Variants in MCM7 observed in about 807,000 individuals in gnomAD.
The protein encoded by MCM7 is minichromosome maintenance complex component 7, also known as DNA replication licensing factor MCM7.
In MCM7, 95 loss-of-function variants were observed where a neutral mutation model predicts 83.5. The ratio of observed to expected loss-of-function variants is 1.14; its 90% CI spans 0.96 to 1.35. The LOEUF (loss-of-function observed/expected upper bound fraction) is 1.35. Among genes scored for constraint, MCM7 ranks in the 40% most tolerant of loss-of-function variants. MCM7 has a pLI of 0.00. For missense variants in MCM7, 1,087 were observed against 957.4 expected, an observed-to-expected ratio of 1.14 and a Z score of -1.79; for synonymous variants, 461 against 352.7, an observed-to-expected ratio of 1.31 and a Z score of -3.44.
intron 5 of MCM7, 131 bp downstream of exon 5, chr7:100,098,892 A>T: frequency 7.2e-7 from 1 of 1,384,902 alleles, no homozygotes; most frequent in East Asian, 2.4e-5. Context: ...ACCACTACAT[A>T]CCCAAGAATG....
Position 100,099,407 on chromosome 7 carries a change from AAGG to A in MCM7, c.277-7_277-5del, listed in dbSNP as rs749286209. On this transcript the variant is annotated splice_polypyrimidine_tract_variant and splice_region_variant and intron_variant, in intron 3 of 14. Transcript: ENST00000303887. ...CCAGGACATCTTTATTTACCACCTA[AAGG>A]AGAAGAACAAAAAAAAAAAAAAAAA... 18 of 1,590,074 alleles carry A rather than the reference AAGG, an allele frequency of 1.1e-5. No individual in the cohort carries two copies. In the East Asian group the frequency reaches 4.0e-4, roughly 36 times the overall value.
At position 100,101,366 on chromosome 7, in the gene MCM7, G is replaced by A. The variant is rs1386001995; in HGVS notation, c.-72C>T. On this transcript the variant is annotated 5_prime_UTR_variant, in exon 1 of 15. Transcript: ENST00000303887. ...GCTCCTGGGGAAGCTGAGAATCTCC[G>A]CGCGGTGGACTGTGGCCGGCCAACC... is the stretch of plus-strand genomic sequence containing the variant. 4 of 1,599,092 alleles carry A rather than the reference G, an allele frequency of 2.5e-6. No individual in the cohort carries two copies. The highest frequency in any genetic ancestry group is 3.4e-6 in the Non-Finnish European group (4 of 1,170,934).
intron 1 of MCM7, chr7:100,100,491 C>A (rs961835658): frequency 1.5e-5 from 15 of 1,002,368 alleles, no homozygotes; most frequent in African/African-American, 7.0e-5. Flanking sequence ...CCCGCCACCG[C>A]ACCCCACCCC....
chr7:100,092,831 G>A lies in MCM7; in HGVS notation c.*101C>T, dbSNP rs1051390416. 6.5e-6 allele frequency: 8 copies of A among 1,240,240 alleles called. No homozygotes were observed. In the Admixed American group the frequency reaches 1.1e-4, roughly 18 times the overall value. The allele number at this position is 1,240,240 out of a possible 1,614,324, so 76.8% of individuals were successfully genotyped here. On this transcript the variant is annotated 3_prime_UTR_variant, in exon 15 of 15. Coordinates refer to ENST00000303887, the MANE Select transcript of MCM7 (RefSeq NM_005916.5). ...CAAAAGGAGTAAGTGCAGCATGGGA[G>A]AAAGAGGGGCTCCTCCTTCCCCTCA...
chr7:100,097,822 C>G lies in MCM7; in HGVS notation c.985+12G>C. 1 of 1,614,104 alleles carries G rather than the reference C, an allele frequency of 6.2e-7. No homozygotes were observed. The highest frequency in any genetic ancestry group is 8.5e-7 in the Non-Finnish European group (1 of 1,179,976). On this transcript the variant is annotated intron_variant, in intron 8 of 14. Coordinates refer to ENST00000303887, the MANE Select transcript of MCM7 (RefSeq NM_005916.5). ...TGTAAACGGAATTTCCTCTCTCTCCCCTGCCCCTCACCTGCAATTTGCCTC... is the reference window on the plus strand; with the variant it reads ...TGTAAACGGAATTTCCTCTCTCTCCGCTGCCCCTCACCTGCAATTTGCCTC...
chr7:100,093,351 G>A lies in MCM7; in HGVS notation c.1899C>T (p.Ala633=), dbSNP rs147773845. Residue 633 remains alanine (A), a synonymous_variant, in exon 14 of 15, where the codon GCC becomes GCT. Transcript: ENST00000303887. ...CCTTTGACATCTCCATTAGCCTGATGGCTTCATTCACATCTTCTTTCTCCA... is the reference window on the plus strand; with the variant it reads ...CCTTTGACATCTCCATTAGCCTGATAGCTTCATTCACATCTTCTTTCTCCA... ...DVVEKEDVNE[A]IRLMEMSKDS... 3.7e-6 allele frequency: 6 copies of A among 1,613,994 alleles called. No individual in the cohort carries two copies. The highest frequency in any genetic ancestry group is 1.3e-5 in the African/African-American group (1 of 74,914).
At position 100,095,369 on chromosome 7, in the gene MCM7, C is replaced by T. The variant is rs780006119; in HGVS notation, c.1679+18G>A. ...CGGCCCACGCCAACGTTTGCCCACCCGCACCCAGCTCTCCTACCTCATGAG... is the reference window on the plus strand; with the variant it reads ...CGGCCCACGCCAACGTTTGCCCACCTGCACCCAGCTCTCCTACCTCATGAG... On this transcript the variant is annotated intron_variant, in intron 12 of 14. Coordinates refer to ENST00000303887, the MANE Select transcript of MCM7 (RefSeq NM_005916.5). 2.0e-5 allele frequency: 32 copies of T among 1,607,128 alleles called. No homozygotes were observed. Among genetic ancestry groups the T allele is most frequent in the African/African-American group, 2.7e-5 (2 of 74,854 alleles).
In MCM7 at chr7:100,093,005, G is replaced by T; in HGVS notation, c.2087C>A (p.Ala696Glu). The T allele has an allele frequency of 8.7e-6, 14 of 1,614,208 alleles. No individual in the cohort carries two copies. Among genetic ancestry groups the T allele is most frequent in the Non-Finnish European group, 1.2e-5 (14 of 1,180,038 alleles). ...GAGCTCCTCATATTCATCCAGAGCCGCCTGGAACTGGGCGGGTGTGAAGCC... is the reference window on the plus strand; with the variant it reads ...GAGCTCCTCATATTCATCCAGAGCCTCCTGGAACTGGGCGGGTGTGAAGCC... The part of the protein sequence containing the change: ...SRGFTPAQFQ[A>E]ALDEYEELNV... The change falls in exon 15 of 15, where the codon GCG becomes GAG. Residue 696 changes from alanine (A) to glutamate (E), a missense_variant. Transcript: ENST00000303887.
chr7:100,100,894 A>C, intron 1 of MCM7: 25 of 1,035,626 alleles, frequency 2.4e-5, no homozygotes, highest in East Asian at 1.5e-4. Flanking sequence ...GGGCGCGGGA[A>C]CCTGGGAATG....
In MCM7 at chr7:100,093,082, T is replaced by G; in HGVS notation, c.2010A>C (p.Ser670=). 2 of 1,614,134 alleles carry G rather than the reference T, an allele frequency of 1.2e-6. No individual in the cohort carries two copies. Among genetic ancestry groups the G allele is most frequent in the East Asian group, 2.2e-5 (1 of 44,888 alleles). The change falls in exon 15 of 15, where the codon TCA becomes TCC. Residue 670 remains serine, a synonymous_variant. Coordinates refer to ENST00000303887, the MANE Select transcript of MCM7 (RefSeq NM_005916.5). ...CAGAGAACCGGACACTTCGGCCCCC[T>G]GAGACCAGTTCACGGACGGTGGCAA... The part of the protein sequence containing the change: ...VIFATVRELV[S]GGRSVRFSEA...
chr7:100,093,100 G>A lies in MCM7; in HGVS notation c.1992C>T (p.Thr664=), dbSNP rs77670077. Residue 664 remains threonine (T), a synonymous_variant, in exon 15 of 15, where the codon ACC becomes ACT. Transcript: ENST00000303887. ...TQRPADVIFA[T]VRELVSGGRS... Reference sequence around the variant, plus strand: ...GGCCCCCTGAGACCAGTTCACGGACGGTGGCAAATATCACATCTGCTGGTC... The same window carrying A: ...GGCCCCCTGAGACCAGTTCACGGACAGTGGCAAATATCACATCTGCTGGTC... 1,190 of 1,614,126 alleles carry A rather than the reference G, an allele frequency of 7.4e-4. 10 individuals carry two copies. The East Asian group carries it at 0.022, about 30-fold the overall frequency.
chr7:100,100,817 A>G, intron 1 of MCM7: 1 of 999,918 alleles, frequency 1.0e-6, no homozygotes, highest in Middle Eastern at 5.1e-4. Context: ...GGGCGGCCTC[A>G]AACGGCCAAT....
At position 100,093,069 on chromosome 7, in the gene MCM7, C is replaced by T. The variant is rs767136635; in HGVS notation, c.2023G>A (p.Val675Ile). 1.9e-6 allele frequency: 3 copies of T among 1,614,124 alleles called. No individual in the cohort carries two copies. The highest frequency in any genetic ancestry group is 2.5e-6 in the Non-Finnish European group (3 of 1,180,052). Residue 675 changes from valine to isoleucine, a missense_variant, in exon 15 of 15, where the codon GTC (valine) becomes ATC (isoleucine). Physicochemically the swap from Val to Ile is conservative, Grantham distance 29. Coordinates refer to ENST00000303887, the MANE Select transcript of MCM7 (RefSeq NM_005916.5). ...CGCTGCTCTGCCTCAGAGAACCGGA[C>T]ACTTCGGCCCCCTGAGACCAGTTCA... The part of the protein sequence containing the change: ...VRELVSGGRS[V>I]RFSEAEQRCV...
Position 100,099,590 on chromosome 7 carries a change from T to A in MCM7, c.275A>T (p.Glu92Val), listed in dbSNP as rs926391921. The A allele has an allele frequency of 6.2e-7, 1 of 1,613,702 alleles. No homozygotes were observed. The highest frequency in any genetic ancestry group is 8.5e-7 in the Non-Finnish European group (1 of 1,179,934). The stretch of plus-strand genomic sequence containing the variant: ...TGCCATTGTTCTCTAACCACTCACT[T>A]CCCTCTCCTTGTACTGAGGCAGCAG... ...QELLPQYKEREVVNKDVLDVY... is the reference protein window; with the variant it reads ...QELLPQYKERVVVNKDVLDVY... The change falls in exon 3 of 15, where the codon GAA becomes GTA. Residue 92 changes from glutamate (E) to valine (V), a missense_variant and splice_region_variant. Coordinates refer to ENST00000303887, the MANE Select transcript of MCM7 (RefSeq NM_005916.5).
intron 2 of MCM7, 35 bp downstream of exon 2, chr7:100,099,979 C>T (rs370650504): frequency 6.3e-6 from 10 of 1,584,240 alleles, no homozygotes; most frequent in Middle Eastern, 3.3e-4. Flanking sequence ...TTAAGCACCC[C>T]GCTCCCCATT....
At position 100,101,191 on chromosome 7, in the gene MCM7, C is replaced by G. The variant is rs1796003332; in HGVS notation, c.31+73G>C. On this transcript the variant is annotated intron_variant, in intron 1 of 14. Coordinates refer to ENST00000303887, the MANE Select transcript of MCM7 (RefSeq NM_005916.5). ...CCGCCGACCCCGGTCCCCCAAGACC[C>G]CAGCTCACACCAACAGGTGTTCCCC... The G allele has an allele frequency of 3.1e-6, 5 of 1,588,012 alleles. No homozygotes were observed. The South Asian group carries it at 5.5e-5, about 18-fold the overall frequency.
At position 100,097,280 on chromosome 7, in the gene MCM7, C is replaced by T. The variant is rs774089762; in HGVS notation, c.1201+21G>A. 6 of 1,610,754 alleles carry T rather than the reference C, an allele frequency of 3.7e-6. No individual in the cohort carries two copies. The Admixed American group carries it at 8.3e-5, about 22-fold the overall frequency. ...TCCTGTCTGTCACTATATTCACCTC[C>T]CGCAAAGCCCAACTACTTACTGCGA... On this transcript the variant is annotated intron_variant, in intron 10 of 14. Transcript: ENST00000303887.
Position 100,099,151 on chromosome 7 carries a change from C to A in MCM7, c.454G>T (p.Val152Leu). 6.2e-7 allele frequency: 1 copy of A among 1,614,154 alleles called. No individual in the cohort carries two copies. The highest frequency in any genetic ancestry group is 8.5e-7 in the Non-Finnish European group (1 of 1,180,038). ...AACTTCCCCACAGAGTCAGCCCGCA[C>A]TTCCCGGATCACACGAGGCTTGTTG... ...SSNKPRVIRE[V>L]RADSVGKLVT... Residue 152 changes from valine (V) to leucine (L), a missense_variant, in exon 5 of 15, where the codon GTG becomes TTG. Coordinates refer to ENST00000303887, the MANE Select transcript of MCM7 (RefSeq NM_005916.5).
chr7:100,093,234 A>C, intron 14 of MCM7, 58 bp downstream of exon 14: 2 of 1,591,316 alleles, frequency 1.3e-6, no homozygotes, highest in Non-Finnish European at 1.7e-6. Context: ...GGCCAACCTC[A>C]GACACATGGC....
Sources: allele counts gnomAD v4.1 joint callset, GRCh38; gene constraint gnomAD v4.1.1; transcripts MANE v1.5; gene names NCBI Gene and HGNC (gene_info 2026-07-23, HGNC 2026-07-21).